TRPC4: variants seen among roughly 807,000 people sequenced by gnomAD.
TRPC4 encodes the protein short transient receptor potential channel 4.
TRPC4 carries 49 observed loss-of-function variants against 99.4 expected under a neutral mutation model. The ratio of observed to expected loss-of-function variants is 0.49; its 90% CI spans 0.39 to 0.63. TRPC4 has a LOEUF of 0.63. Ranked by LOEUF, TRPC4 falls within the 20% of genes least tolerant of loss-of-function variation. The pLI is 0.00. For missense variants in TRPC4, 898 were observed against 1,152.9 expected, an observed-to-expected ratio of 0.78 and a Z score of 3.20; for synonymous variants, 454 against 425.9, an observed-to-expected ratio of 1.07 and a Z score of -0.81.
At chr13:37,858,877 C>G (rs1321093801) in intron 1 of TRPC4, among the ~76,000 whole-genome samples, 1 of 151,136 alleles carries the variant, frequency 6.6e-6, no homozygotes, top group Non-Finnish European at 1.5e-5. Context: ...GATATCACAA[C>G]TGTGACTAAA....
In TRPC4 at chr13:37,801,768, AG is replaced by A. The variant is rs547337961; in HGVS notation, c.-27-18409del. Among the ~76,000 whole-genome samples, 986 of 151,800 alleles carry A rather than the reference AG, an allele frequency of 6.5e-3. 13 individuals carry two copies. Among genetic ancestry groups the A allele is most frequent in the African/African-American group, 0.023 (935 of 41,510 alleles). On this transcript the variant is annotated intron_variant, in intron 1 of 10. Transcript: ENST00000379705. ...GCATAATATCATCAATACTAAAGTA[AG>A]GATATTTAGAAAGATTTATAGACAC...
At chr13:37,844,012 T>C (rs781439625) in intron 1 of TRPC4, among the ~76,000 whole-genome samples, 2 of 152,150 alleles carry the variant, frequency 1.3e-5, no homozygotes, top group Non-Finnish European at 2.9e-5. Context: ...GTTTCTACAG[T>C]AGGAAAAATA....
intron 1 of TRPC4, among the ~76,000 whole-genome samples, chr13:37,794,894 C>A (rs1475056669): frequency 6.6e-6 from 1 of 151,996 alleles, no homozygotes; most frequent in Non-Finnish European, 1.5e-5. Context: ...TTCAGATAAA[C>A]ACAATTAAGA....
chr13:37,642,069 A>G (rs1386102887), intron 8 of TRPC4, among the ~76,000 whole-genome samples: 1 of 152,110 alleles, frequency 6.6e-6, no homozygotes, highest in Non-Finnish European at 1.5e-5. Flanking sequence ...CTTGTGGAGC[A>G]TTTCCTTCAG....
intron 3 of TRPC4, among the ~76,000 whole-genome samples, chr13:37,739,815 T>C (rs1301421993): frequency 2.0e-5 from 3 of 152,070 alleles, no homozygotes; most frequent in Non-Finnish European, 4.4e-5. Flanking sequence ...GCATGAGATT[T>C]TCAAACTTAT....
chr13:37,827,658 A>C (rs1345793794), intron 1 of TRPC4, among the ~76,000 whole-genome samples: 9 of 152,136 alleles, frequency 5.9e-5, no homozygotes, highest in South Asian at 2.1e-4. Flanking sequence ...TACTGGGAGA[A>C]CCACTGCTCT....
chr13:37,637,206 T>A lies in TRPC4; in HGVS notation c.2631A>T (p.Ala877=), dbSNP rs1951558301. The A allele has an allele frequency of 6.2e-7, 1 of 1,613,848 alleles. No homozygotes were observed. Among genetic ancestry groups the A allele is most frequent in the African/African-American group, 1.3e-5 (1 of 74,934 alleles). ...GTTGAATATTTCTCTCAAGTGGTCCTGCAGCCTGTTGACGAGCAACTTCTT... is the reference window on the plus strand; with the variant it reads ...GTTGAATATTTCTCTCAAGTGGTCCAGCAGCCTGTTGACGAGCAACTTCTT... ...VSEEVARQQA[A]GPLERNIQLE... is the part of the protein sequence containing the mutation. The change falls in exon 11 of 11, where the codon GCA becomes GCT. Residue 877 remains alanine, a synonymous_variant. Coordinates refer to ENST00000379705, the MANE Select transcript of TRPC4 (RefSeq NM_016179.4).
chr13:37,782,850 A>T, intron 2 of TRPC4, 106 bp downstream of exon 2: 2 of 1,148,956 alleles, frequency 1.7e-6, no homozygotes, highest in Non-Finnish European at 2.3e-6. Flanking sequence ...TATATTTCTT[A>T]AATTTTCAGG....
intron 1 of TRPC4, among the ~76,000 whole-genome samples, chr13:37,841,696 T>C (rs74354364): frequency 0.032 from 4,912 of 152,198 alleles, 265 homozygotes; most frequent in African/African-American, 0.11. Flanking sequence ...CAATGAGATA[T>C]CACTACTATA....
At chr13:37,740,984 A>G (rs1238714514) in intron 3 of TRPC4, among the ~76,000 whole-genome samples, 1 of 152,206 alleles carries the variant, frequency 6.6e-6, no homozygotes, top group Admixed American at 6.5e-5. Flanking sequence ...ATTAGTTCCA[A>G]AATTTAAGCT....
At chr13:37,657,870 T>C (rs1952291439) in intron 6 of TRPC4, among the ~76,000 whole-genome samples, 1 of 152,166 alleles carries the variant, frequency 6.6e-6, no homozygotes, top group Non-Finnish European at 1.5e-5. Context: ...TATTTCTTTC[T>C]TTTATTTTCC....
At chr13:37,740,708 C>T (rs895538159) in intron 3 of TRPC4, among the ~76,000 whole-genome samples, 20 of 152,114 alleles carry the variant, frequency 1.3e-4, no homozygotes, top group African/African-American at 4.6e-4. Flanking sequence ...TTCTTGCTTC[C>T]ATATCAAGGG....
chr13:37,767,707 T>C (rs1161799982), intron 2 of TRPC4, among the ~76,000 whole-genome samples: 1 of 151,416 alleles, frequency 6.6e-6, no homozygotes, highest in Non-Finnish European at 1.5e-5. Context: ...ATGTTTGACT[T>C]AATCTTGCCA....
intron 4 of TRPC4, among the ~76,000 whole-genome samples, chr13:37,691,662 A>G (rs1010779329): frequency 6.6e-6 from 1 of 152,214 alleles, no homozygotes; most frequent in African/African-American, 2.4e-5. Context: ...AGACTTATCT[A>G]TTAGGAATAT....
intron 5 of TRPC4, among the ~76,000 whole-genome samples, chr13:37,673,750 A>T (rs906134464): frequency 6.6e-6 from 1 of 152,172 alleles, no homozygotes; most frequent in African/African-American, 2.4e-5. Context: ...AGGAGAAAGA[A>T]ATTATATTCT....
At position 37,725,354 on chromosome 13, in the gene TRPC4, G is replaced by A. The variant is rs560748743; in HGVS notation, c.897+20583C>T. Among the ~76,000 whole-genome samples the A allele has an allele frequency of 5.3e-5, 8 of 152,050 alleles. No homozygotes were observed. The East Asian group carries it at 1.2e-3, about 22-fold the overall frequency. On this transcript the variant is annotated intron_variant, in intron 3 of 10. Transcript: ENST00000379705. ...TGGCCAACATTTCCCCAAATTTGAT[G>A]AAAAGCATGACTATAAACATCTAAG...
At chr13:37,675,848 C>G (rs1414629969) in intron 4 of TRPC4, among the ~76,000 whole-genome samples, 2 of 152,120 alleles carry the variant, frequency 1.3e-5, no homozygotes, top group African/African-American at 4.8e-5. Flanking sequence ...ATCACGAGGC[C>G]AACAAACACC....
At chr13:37,869,154 C>T (rs1280264934) in intron 1 of TRPC4, among the ~76,000 whole-genome samples, 4 of 152,040 alleles carry the variant, frequency 2.6e-5, no homozygotes, top group Non-Finnish European at 5.9e-5. Context: ...CTTTAAGTGC[C>T]GGAGAGCTAA....
chr13:37,711,785 C>T (rs999481610), intron 3 of TRPC4, among the ~76,000 whole-genome samples: 13 of 151,846 alleles, frequency 8.6e-5, no homozygotes, highest in Non-Finnish European at 1.6e-4. Flanking sequence ...CAAAATAAAA[C>T]GTGAGCCATA....
Sources: allele counts gnomAD v4.1 joint callset (sites outside exome capture counted in the v4.1 genomes callset), GRCh38; gene constraint gnomAD v4.1.1; transcripts MANE v1.5; gene names NCBI Gene and HGNC (gene_info 2026-07-23, HGNC 2026-07-21).